Variants in TCF12 observed in about 807,000 individuals in gnomAD.
TCF12 encodes the protein transcription factor 12.
A neutral mutation model predicts 86.0 loss-of-function variants in TCF12; 45 were observed. That is an observed-to-expected ratio of 0.52 (90% CI 0.41 to 0.67). The LOEUF is 0.67. Among genes scored for constraint, TCF12 ranks in the 30% least tolerant of loss-of-function variants. The probability of loss-of-function intolerance (pLI) is 0.00; values close to 1 mark genes in which losing one functional copy is unlikely to be tolerated. For synonymous variants in TCF12, 330 were observed against 299.6 expected (o/e 1.10, Z -1.05); for missense variants, 881 against 859.9 (o/e 1.02, Z -0.31).
chr15:57,102,755 T>G (rs1281286185), intron 5 of TCF12, among the ~76,000 whole-genome samples: 1 of 152,152 alleles, frequency 6.6e-6, no homozygotes, highest in Admixed American at 6.6e-5. Context: ...TACAGAATGG[T>G]AAGTTATTAG....
At chr15:57,122,088 T>G (rs1228426528) in intron 5 of TCF12, among the ~76,000 whole-genome samples, 1 of 146,338 alleles carries the variant, frequency 6.8e-6, no homozygotes. Context: ...TATCTCCTTG[T>G]TTCCTTGTAC....
intron 15 of TCF12, among the ~76,000 whole-genome samples, chr15:57,252,970 A>T (rs2060188443): frequency 7.0e-6 from 1 of 143,480 alleles, no homozygotes. Context: ...TTGAGAAATG[A>T]CATAGTATCC....
At chr15:57,222,379 G>A (rs2058639402) in intron 8 of TCF12, among the ~76,000 whole-genome samples, 1 of 151,836 alleles carries the variant, frequency 6.6e-6, no homozygotes, top group Non-Finnish European at 1.5e-5. Flanking sequence ...TCTTGGATAT[G>A]TAACAGACTT....
chr15:57,090,456 T>C (rs1019135365), intron 4 of TCF12, among the ~76,000 whole-genome samples: 2 of 152,172 alleles, frequency 1.3e-5, no homozygotes, highest in Non-Finnish European at 2.9e-5. Context: ...AACAAAGATT[T>C]ATTTGGGAGT....
At chr15:57,249,182 C>T (rs1347476976) in intron 13 of TCF12, among the ~76,000 whole-genome samples, 2 of 152,152 alleles carry the variant, frequency 1.3e-5, no homozygotes, top group South Asian at 2.1e-4. Context: ...GCACTGAAAT[C>T]AGCAGTAAGG....
At chr15:57,039,235 A>G (rs956078595) in intron 3 of TCF12, among the ~76,000 whole-genome samples, 2 of 152,178 alleles carry the variant, frequency 1.3e-5, no homozygotes, top group African/African-American at 4.8e-5. Flanking sequence ...TTTTCTGTGT[A>G]ATTGATGCCG....
intron 19 of TCF12, among the ~76,000 whole-genome samples, chr15:57,274,414 C>A (rs1428117682): frequency 1.3e-5 from 2 of 152,216 alleles, no homozygotes; most frequent in Non-Finnish European, 2.9e-5. Context: ...ACTTGCTCCT[C>A]TTCTCCCAAG....
chr15:57,176,606 C>A (rs1364224393), intron 6 of TCF12, among the ~76,000 whole-genome samples: 8 of 152,070 alleles, frequency 5.3e-5, no homozygotes, highest in African/African-American at 1.4e-4. Context: ...AGCTGAGGAA[C>A]CTGAAGCCTC....
rs200941380 is a variant in TCF12, at chr15:56,990,250, C to T, written c.148+69152C>T. 3.4e-4 allele frequency among the ~76,000 whole-genome samples: 43 copies of T among 126,350 alleles called. No individual in the cohort carries two copies. The South Asian group carries it at 5.0e-3, about 15-fold the overall frequency. 82.9% of individuals were successfully genotyped at this position (126,350 alleles called of 152,430 possible). A position where few individuals can be genotyped will look rare whatever the true frequency, so the allele number is the denominator to read the frequency against. The stretch of plus-strand genomic sequence containing the variant: ...TATCGTGTGTGTGTGTCTGTGTGTG[C>T]GTGTGCGTGTGTGTGTGTGTGTGAA... On this transcript the variant is annotated intron_variant, in intron 3 of 20. Coordinates refer to ENST00000333725, the MANE Select transcript of TCF12 (RefSeq NM_207037.2).
intron 8 of TCF12, among the ~76,000 whole-genome samples, chr15:57,208,700 TA>T (rs200521430): frequency 8.6e-5 from 13 of 151,016 alleles, no homozygotes; most frequent in African/African-American, 2.9e-4. Flanking sequence ...AGAAAGAACT[TA>T]AAAAAAAATT....
At chr15:57,228,902 A>G (rs1597460488) in intron 8 of TCF12, among the ~76,000 whole-genome samples, 1 of 152,026 alleles carries the variant, frequency 6.6e-6, no homozygotes, top group East Asian at 1.9e-4. Context: ...ATTATCAAGT[A>G]TGAGAGACTG....
chr15:57,216,462 T>C (rs555201055), intron 8 of TCF12, among the ~76,000 whole-genome samples: 1 of 151,784 alleles, frequency 6.6e-6, no homozygotes, highest in Admixed American at 6.6e-5. Flanking sequence ...AGAACTACTG[T>C]GCAGGCAGCC....
In TCF12 at chr15:57,286,560, A is replaced by T. The variant is rs2061940103; in HGVS notation, c.*415A>T. 2.3e-6 allele frequency: 1 copy of T among 437,254 alleles called. No individual in the cohort carries two copies. Among genetic ancestry groups the T allele is most frequent in the South Asian group, 1.6e-5 (1 of 60,970 alleles). The allele number at this position is 437,254 out of a possible 1,614,324, so 27.1% of individuals were successfully genotyped here. On this transcript the variant is annotated 3_prime_UTR_variant, in exon 21 of 21. Coordinates refer to ENST00000333725, the MANE Select transcript of TCF12 (RefSeq NM_207037.2). ...GTCTACATATAAAGGGAAAAAGTTAATGTGGAAAGCTGATCTACACTCAGC... is the reference window on the plus strand; with the variant it reads ...GTCTACATATAAAGGGAAAAAGTTATTGTGGAAAGCTGATCTACACTCAGC...
intron 6 of TCF12, among the ~76,000 whole-genome samples, chr15:57,177,736 T>A: frequency 6.6e-6 from 1 of 152,070 alleles, no homozygotes. Context: ...TTTATTTATT[T>A]TGTGAAACAG....
At chr15:57,128,583 C>T (rs775530999) in intron 5 of TCF12, among the ~76,000 whole-genome samples, 2 of 152,044 alleles carry the variant, frequency 1.3e-5, no homozygotes, top group African/African-American at 2.4e-5. Context: ...TTAAAGTATA[C>T]AATTCAAGGG....
chr15:56,936,243 A>G (rs2060466082), intron 3 of TCF12, among the ~76,000 whole-genome samples: 1 of 152,050 alleles, frequency 6.6e-6, no homozygotes, highest in East Asian at 1.9e-4. Flanking sequence ...GATGTTGAGC[A>G]TTTTTTCATA....
intron 8 of TCF12, among the ~76,000 whole-genome samples, chr15:57,222,734 T>A (rs1364944723): frequency 6.9e-5 from 10 of 144,398 alleles, no homozygotes; most frequent in Non-Finnish European, 1.4e-4. Flanking sequence ...GAAAGAAAAG[T>A]TTTGGGGGAA....
intron 3 of TCF12, among the ~76,000 whole-genome samples, chr15:57,009,850 C>A (rs1035921234): frequency 6.6e-6 from 1 of 152,154 alleles, no homozygotes; most frequent in African/African-American, 2.4e-5. Context: ...GAATTTTCCA[C>A]ATACAATTTG....
chr15:57,160,501 A>G (rs1257727707), intron 5 of TCF12, among the ~76,000 whole-genome samples: 1 of 152,182 alleles, frequency 6.6e-6, no homozygotes, highest in East Asian at 1.9e-4. Context: ...AAACCATATC[A>G]GGCACCTTCT....
Sources: allele counts gnomAD v4.1 joint callset (sites outside exome capture counted in the v4.1 genomes callset), GRCh38; gene constraint gnomAD v4.1.1; transcripts MANE v1.5; gene names NCBI Gene and HGNC (gene_info 2026-07-23, HGNC 2026-07-21).